ZEB1: variants seen among roughly 807,000 people sequenced by gnomAD.
The protein encoded by ZEB1 is zinc finger E-box-binding homeobox 1.
Under a neutral mutation model 84.9 loss-of-function variants are expected in ZEB1, and 21 were observed. The ratio of observed to expected loss-of-function variants is 0.25; its 90% CI spans 0.18 to 0.36. The LOEUF (loss-of-function observed/expected upper bound fraction) is 0.36, where lower values mean the gene tolerates loss of function less well. Among genes scored for constraint, ZEB1 ranks in the 10% least tolerant of loss-of-function variants. The probability of loss-of-function intolerance (pLI) is 1.00; values close to 1 mark genes in which losing one functional copy is unlikely to be tolerated. For missense variants in ZEB1, 1,104 were observed against 1,330.2 expected (o/e 0.83, Z 2.65); for synonymous variants, 420 against 471.1 (o/e 0.89, Z 1.41).
intron 1 of ZEB1, among the ~76,000 whole-genome samples, chr10:31,402,433 T>G (rs1469890596): frequency 6.6e-6 from 1 of 152,006 alleles, no homozygotes; most frequent in Non-Finnish European, 1.5e-5. Flanking sequence ...GGAGAAGGTA[T>G]TCCTGAAATG....
intron 1 of ZEB1, among the ~76,000 whole-genome samples, chr10:31,338,631 T>A (rs2038719367): frequency 1.3e-5 from 2 of 152,226 alleles, no homozygotes; most frequent in South Asian, 4.1e-4. Context: ...GATCTGAGAA[T>A]GTAAAAAGCA....
intron 1 of ZEB1, 78 bp from the exon 2 acceptor site, chr10:31,460,959 T>C: frequency 8.6e-7 from 1 of 1,159,846 alleles, no homozygotes; most frequent in Non-Finnish European, 1.3e-6. Flanking sequence ...TTTAAGCATC[T>C]TTTTTATTTT....
chr10:31,447,952 G>C (rs1286371286), intron 1 of ZEB1, among the ~76,000 whole-genome samples: 2 of 151,790 alleles, frequency 1.3e-5, no homozygotes, highest in African/African-American at 4.9e-5. Flanking sequence ...GAATCTGAAT[G>C]TTGGCCTGCC....
Position 31,461,033 on chromosome 10 carries a change from A to G in ZEB1, c.59-4A>G. ...TGATTATTTGTTTCTTGTTTGTATTACAGTTACAAATTATAATACTGTGGT... is the reference window on the plus strand; with the variant it reads ...TGATTATTTGTTTCTTGTTTGTATTGCAGTTACAAATTATAATACTGTGGT... On this transcript the variant is annotated splice_polypyrimidine_tract_variant and splice_region_variant and intron_variant, in intron 1 of 8. Transcript: ENST00000424869. The G allele has an allele frequency of 6.2e-7, 1 of 1,608,738 alleles. No individual in the cohort carries two copies. The highest frequency in any genetic ancestry group is 8.5e-7 in the Non-Finnish European group (1 of 1,175,724).
chr10:31,502,587 C>G, intron 4 of ZEB1, 78 bp downstream of exon 4: 8 of 1,582,144 alleles, frequency 5.1e-6, no homozygotes, highest in Middle Eastern at 1.7e-4. Flanking sequence ...TGGGAACCTG[C>G]TCTACTATAG....
intron 3 of ZEB1, among the ~76,000 whole-genome samples, chr10:31,501,660 C>T (rs1378884588): frequency 6.6e-6 from 1 of 151,934 alleles, no homozygotes; most frequent in African/African-American, 2.4e-5. Context: ...TTCCAAGAGT[C>T]CCCCATTGAG....
intron 1 of ZEB1, among the ~76,000 whole-genome samples, chr10:31,456,174 G>A (rs948304090): frequency 3.9e-5 from 6 of 152,022 alleles, no homozygotes; most frequent in East Asian, 3.9e-4. Context: ...ACCAAACACC[G>A]CATGTTCTCA....
intron 1 of ZEB1, among the ~76,000 whole-genome samples, chr10:31,407,486 A>G (rs1469765284): frequency 6.6e-6 from 1 of 151,782 alleles, no homozygotes. Context: ...TTCTTAATCC[A>G]GTCTATCATT....
intron 1 of ZEB1, among the ~76,000 whole-genome samples, chr10:31,399,489 A>G (rs2051489434): frequency 1.3e-5 from 2 of 152,044 alleles, no homozygotes; most frequent in Non-Finnish European, 2.9e-5. Context: ...CCAAAATATT[A>G]TCTTGCTTCT....
chr10:31,486,250 A>G (rs901681841), intron 2 of ZEB1, among the ~76,000 whole-genome samples: 5 of 151,874 alleles, frequency 3.3e-5, no homozygotes, highest in Admixed American at 6.6e-5. Flanking sequence ...GTAAATATTT[A>G]GAAGTGTGAT....
At chr10:31,526,532 A>C in intron 8 of ZEB1, 140 bp from the exon 9 acceptor site, 1 of 1,074,746 alleles carries the variant, frequency 9.3e-7, no homozygotes, top group South Asian at 1.5e-5. Context: ...TTATATTACA[A>C]AGAGTTTGGG....
chr10:31,492,726 A>G (rs2066703771), intron 2 of ZEB1, among the ~76,000 whole-genome samples: 1 of 151,954 alleles, frequency 6.6e-6, no homozygotes, highest in Non-Finnish European at 1.5e-5. Flanking sequence ...AATTTAACAC[A>G]TATGCTAAAT....
chr10:31,327,123 A>AGACAGTTT (rs1339901542), intron 1 of ZEB1, among the ~76,000 whole-genome samples: 1 of 39,644 alleles, frequency 2.5e-5, no homozygotes, highest in Non-Finnish European at 4.7e-5. Flanking sequence ...TTTTTTTTTG[A>AGACAGTTT]GACAGTTTGA....
intron 1 of ZEB1, among the ~76,000 whole-genome samples, chr10:31,366,408 C>A (rs1032861964): frequency 2.0e-4 from 30 of 152,164 alleles, no homozygotes; most frequent in African/African-American, 7.2e-4. Flanking sequence ...CCCACCTCAG[C>A]CTCTCAAAGT....
At chr10:31,432,954 T>A (rs2057894769) in intron 1 of ZEB1, among the ~76,000 whole-genome samples, 1 of 152,194 alleles carries the variant, frequency 6.6e-6, no homozygotes, top group South Asian at 2.1e-4. Flanking sequence ...TGCAATGTGT[T>A]GAACTGTATT....
intron 1 of ZEB1, among the ~76,000 whole-genome samples, chr10:31,448,258 C>A (rs1332785867): frequency 8.2e-6 from 1 of 121,936 alleles, no homozygotes; most frequent in Non-Finnish European, 1.7e-5. Flanking sequence ...TGGTTTTCAG[C>A]TCCATCAGCT....
chr10:31,477,482 A>G (rs1055599520), intron 2 of ZEB1, among the ~76,000 whole-genome samples: 2 of 152,010 alleles, frequency 1.3e-5, no homozygotes, highest in Admixed American at 6.6e-5. Context: ...TACCAATGTC[A>G]TTCTTCACAG....
chr10:31,474,298 T>C (rs895236911), intron 2 of ZEB1, among the ~76,000 whole-genome samples: 14 of 151,624 alleles, frequency 9.2e-5, no homozygotes, highest in Admixed American at 5.2e-4. Flanking sequence ...AGAAAATTTT[T>C]GCAACCTACT....
chr10:31,321,603 T>C, intron 1 of ZEB1: 1 of 1,611,688 alleles, frequency 6.2e-7, no homozygotes, highest in Non-Finnish European at 8.5e-7. Context: ...GAAAGGGGCT[T>C]TTCTTGTTGC....
Sources: allele counts gnomAD v4.1 joint callset (sites outside exome capture counted in the v4.1 genomes callset), GRCh38; gene constraint gnomAD v4.1.1; transcripts MANE v1.5; gene names NCBI Gene and HGNC (gene_info 2026-07-23, HGNC 2026-07-21).